The following CALD1 variants were observed in gnomAD, a reference collection of about 807,000 sequenced individuals.
CALD1 encodes the protein caldesmon.
CALD1 carries 33 observed loss-of-function variants against 99.9 expected under a neutral mutation model. That is an observed-to-expected ratio of 0.33 (90% CI 0.25 to 0.44). The LOEUF (loss-of-function observed/expected upper bound fraction) is 0.44. Among genes scored for constraint, CALD1 ranks in the 20% least tolerant of loss-of-function variants. The pLI is 1.00. For synonymous variants in CALD1, 310 were observed against 325.0 expected (o/e 0.95, Z 0.50); for missense variants, 861 against 962.1 (o/e 0.89, Z 1.39).
At chr7:134,949,514 C>T (rs936954123) in intron 8 of CALD1, among the ~76,000 whole-genome samples, 1 of 152,080 alleles carries the variant, frequency 6.6e-6, no homozygotes, top group Admixed American at 6.5e-5. Flanking sequence ...CATGGTTCAA[C>T]GTCTAGAGCA....
chr7:134,916,281 T>C (rs1023984077), intron 3 of CALD1, among the ~76,000 whole-genome samples: 10 of 152,072 alleles, frequency 6.6e-5, no homozygotes, highest in African/African-American at 2.4e-4. Flanking sequence ...TGCCCCAGTG[T>C]CAGATCTATC....
the CALD1 span, among the ~76,000 whole-genome samples, chr7:134,719,746 A>G: frequency 3.9e-5 from 6 of 152,322 alleles, no homozygotes; most frequent in Non-Finnish European, 7.4e-5. Flanking sequence ...AAGGACCCCA[A>G]TCTGGTTTGG....
rs1563104918 is a variant in CALD1 at position 134,929,608 on chromosome 7, G to GTGTGTATATACACACACATATATGTA, written c.218+718_218+719insCACACACATATATGTATGTGTATATA. Among the ~76,000 whole-genome samples the GTGTGTATATACACACACATATATGTA allele has an allele frequency of 3.9e-4, 2 of 5,108 alleles. 1 individual carries two copies. The highest frequency in any genetic ancestry group is 6.8e-4 in the Non-Finnish European group (2 of 2,940). The allele number at this position is 5,108 out of a possible 152,430, so 3.4% of individuals were successfully genotyped here. ...TTATGGCTGAATAGTATTCCATGGT[G>GTGTGTATATACACACACATATATGTA]TGTGTATATATACGTGTGTGTGTGT... On this transcript the variant is annotated intron_variant, in intron 4 of 14. Transcript: ENST00000361675.
intron 3 of CALD1, among the ~76,000 whole-genome samples, chr7:134,906,802 C>T (rs1803419018): frequency 6.6e-6 from 1 of 152,148 alleles, no homozygotes; most frequent in African/African-American, 2.4e-5. Flanking sequence ...AGTCTCCTAG[C>T]AGCCCTGATA....
chr7:134,754,097 GC>G (rs1796707861), intron 1 of CALD1, among the ~76,000 whole-genome samples: 1 of 152,194 alleles, frequency 6.6e-6, no homozygotes, highest in Non-Finnish European at 1.5e-5. Context: ...CATCTAGATA[GC>G]CATCTTCTTG....
intron 9 of CALD1, among the ~76,000 whole-genome samples, chr7:134,956,667 C>G (rs901639457): frequency 1.3e-5 from 2 of 152,286 alleles, no homozygotes; most frequent in South Asian, 2.1e-4. Flanking sequence ...CTCACATTAA[C>G]CAAGACTCAC....
At position 134,965,345 on chromosome 7, in the gene CALD1, TG is replaced by T; in HGVS notation, c.2338del (p.Glu780LysfsTer32). On this transcript the variant is annotated frameshift_variant, in exon 14 of 15. Coordinates refer to ENST00000361675, the MANE Select transcript of CALD1 (RefSeq NM_033138.4). LOFTEE classifies it high-confidence loss of function. Reference protein sequence around the residue: ...PGDVSSKRNLWEKQSVDKVTS... With the variant: ...PGDVSSKRNLXEKQSVDKVTS... ...AGACGTATCCAGCAAGCGGAACCTC[TG>T]GGAAAAGCAATCTGTGGATAAGGTC... 1 of 1,595,894 alleles carries T rather than the reference TG, an allele frequency of 6.3e-7. No homozygotes were observed. The highest frequency in any genetic ancestry group is 8.6e-7 in the Non-Finnish European group (1 of 1,163,406).
chr7:134,845,454 G>T (rs1799813847), intron 2 of CALD1, among the ~76,000 whole-genome samples: 1 of 152,168 alleles, frequency 6.6e-6, no homozygotes. Flanking sequence ...TGAAAGAAAG[G>T]TGTGATTGAC....
At chr7:134,771,184 T>C (rs1796875356) in intron 1 of CALD1, among the ~76,000 whole-genome samples, 1 of 152,146 alleles carries the variant, frequency 6.6e-6, no homozygotes, top group South Asian at 2.1e-4. Flanking sequence ...GGTAACTCAT[T>C]CCTGGTTTTA....
intron 7 of CALD1, among the ~76,000 whole-genome samples, chr7:134,942,600 T>C (rs183337494): frequency 6.6e-6 from 1 of 152,338 alleles, no homozygotes; most frequent in Admixed American, 6.5e-5. Flanking sequence ...GCGAGTTGAT[T>C]CAGGTTGGTA....
chr7:134,942,101 C>T (rs538744103), intron 7 of CALD1, among the ~76,000 whole-genome samples: 1 of 152,328 alleles, frequency 6.6e-6, no homozygotes, highest in African/African-American at 2.4e-5. Flanking sequence ...ATTCCAACCT[C>T]TGTTTTGTCA....
chr7:134,937,444 T>A (rs765640152), intron 6 of CALD1, among the ~76,000 whole-genome samples: 5 of 152,088 alleles, frequency 3.3e-5, no homozygotes, highest in Non-Finnish European at 7.4e-5. Flanking sequence ...TCAAACTGGT[T>A]TTTTTAAAAA....
chr7:134,817,938 T>G (rs1375155628), intron 1 of CALD1, among the ~76,000 whole-genome samples: 1 of 152,206 alleles, frequency 6.6e-6, no homozygotes, highest in African/African-American at 2.4e-5. Context: ...CAAACAATAC[T>G]TTTTGTCACA....
intron 1 of CALD1, among the ~76,000 whole-genome samples, chr7:134,821,258 A>G (rs1234722798): frequency 6.6e-6 from 1 of 150,552 alleles, no homozygotes; most frequent in Non-Finnish European, 1.5e-5. Context: ...TAGTTAAAAC[A>G]ACAACAAGCC....
At chr7:134,899,493 G>A (rs193227234) in intron 3 of CALD1, among the ~76,000 whole-genome samples, 1 of 152,246 alleles carries the variant, frequency 6.6e-6, no homozygotes, top group East Asian at 1.9e-4. Flanking sequence ...ATGAGTCACC[G>A]CGCCCAGCCA....
At chr7:134,803,795 A>G (rs1259917963) in intron 1 of CALD1, among the ~76,000 whole-genome samples, 1 of 150,788 alleles carries the variant, frequency 6.6e-6, no homozygotes, top group African/African-American at 2.4e-5. Context: ...TCCTGGGTTT[A>G]AGCGATTCTC....
At chr7:134,802,835 C>G (rs1219231898) in intron 1 of CALD1, among the ~76,000 whole-genome samples, 4 of 152,210 alleles carry the variant, frequency 2.6e-5, no homozygotes, top group Non-Finnish European at 5.9e-5. Flanking sequence ...AGTCAAGGAC[C>G]ATCTGTGTAA....
the CALD1 span, among the ~76,000 whole-genome samples, chr7:134,733,816 A>C: frequency 1.2e-5 from 1 of 81,852 alleles, no homozygotes; most frequent in African/African-American, 5.3e-5. Flanking sequence ...CTCAAAAAAA[A>C]AAACAAAAAA....
At chr7:134,781,572 C>T (rs1797105067) in intron 1 of CALD1, among the ~76,000 whole-genome samples, 1 of 150,364 alleles carries the variant, frequency 6.7e-6, no homozygotes, top group African/African-American at 2.5e-5. Flanking sequence ...ACCTAGAACA[C>T]ATTTCCCCAC....
Sources: gnomAD v4.1 joint callset for allele counts (sites outside exome capture counted in the v4.1 genomes callset) on GRCh38, gnomAD v4.1.1 for gene constraint, MANE v1.5 for transcripts, NCBI Gene and HGNC (gene_info 2026-07-23, HGNC 2026-07-21) for gene names.